MAP3K4: variants seen among roughly 807,000 people sequenced by gnomAD.
MAP3K4 encodes the protein MAP three kinase 1.
Under a neutral mutation model 185.6 loss-of-function variants are expected in MAP3K4, and 67 were observed. That is an observed-to-expected ratio of 0.36 (90% CI 0.30 to 0.44). The LOEUF is 0.44. Ranked by LOEUF, MAP3K4 falls within the 20% of genes least tolerant of loss-of-function variation. The probability of loss-of-function intolerance (pLI) is 1.00; values close to 1 mark genes in which losing one functional copy is unlikely to be tolerated. For missense variants in MAP3K4, 1,551 were observed against 1,995.1 expected, an observed-to-expected ratio of 0.78 and a Z score of 4.24; for synonymous variants, 702 against 710.4, an observed-to-expected ratio of 0.99 and a Z score of 0.19.
At position 161,007,719 on chromosome 6, in the gene MAP3K4, G is replaced by T. The variant is rs538769863; in HGVS notation, c.152+15636G>T. Among the ~76,000 whole-genome samples the T allele has an allele frequency of 1.3e-3, 196 of 152,220 alleles. 2 individuals are homozygous for T. The highest frequency in any genetic ancestry group is 4.6e-3 in the African/African-American group (189 of 41,532). ...TATTTGGTGCTTCTGCTCTTTAATA[G>T]GCTTTGTTTCTAGTAAGGTCATGCT... is the stretch of plus-strand genomic sequence containing the variant. On this transcript the variant is annotated intron_variant, in intron 1 of 26. Transcript: ENST00000392142. This position sits in a 1 kb window ranked among gnomAD's most constrained non-coding sequence, Gnocchi z 4.5.
At chr6:161,016,391 G>A (rs748820123) in intron 1 of MAP3K4, among the ~76,000 whole-genome samples, 1 of 151,950 alleles carries the variant, frequency 6.6e-6, no homozygotes, top group South Asian at 2.1e-4. Context: ...TTTGTTGTTC[G>A]TGCTTTTGTA....
chr6:161,007,479 C>G lies in MAP3K4; in HGVS notation c.152+15396C>G, dbSNP rs1781645176. On this transcript the variant is annotated intron_variant, in intron 1 of 26. Coordinates refer to ENST00000392142, the MANE Select transcript of MAP3K4 (RefSeq NM_005922.4). The surrounding 1 kb of genome is among the most constrained non-coding windows in gnomAD (Gnocchi z 4.5). ...GAACGTGGATTTCCTATCCATTGCTCTCTTAAGGAGCACAGGGCTCAGATA... is the reference window on the plus strand; with the variant it reads ...GAACGTGGATTTCCTATCCATTGCTGTCTTAAGGAGCACAGGGCTCAGATA... 6.6e-6 allele frequency among the ~76,000 whole-genome samples: 1 copy of G among 152,180 alleles called. No individual in the cohort carries two copies. Among genetic ancestry groups the G allele is most frequent in the Non-Finnish European group, 1.5e-5 (1 of 68,034 alleles).
At chr6:161,050,021 C>G in intron 3 of MAP3K4, 42 bp downstream of exon 3, 1 of 1,503,178 alleles carries the variant, frequency 6.7e-7, no homozygotes, top group Non-Finnish European at 8.9e-7. Flanking sequence ...ATCCTTAGTT[C>G]CATTTATTTA....
chr6:161,041,817 G>C (rs1251650251), intron 2 of MAP3K4, among the ~76,000 whole-genome samples: 3 of 152,058 alleles, frequency 2.0e-5, no homozygotes, highest in Non-Finnish European at 1.5e-5. Flanking sequence ...TCAGGTGTGG[G>C]CTACTTGTGA....
rs1368787180 is a variant in MAP3K4 at position 161,037,346 on chromosome 6, TC to T, written c.343+2898del. Among the ~76,000 whole-genome samples the T allele has an allele frequency of 6.6e-6, 1 of 152,232 alleles. No individual in the cohort carries two copies. Among genetic ancestry groups the T allele is most frequent in the Non-Finnish European group, 1.5e-5 (1 of 68,042 alleles). On this transcript the variant is annotated intron_variant, in intron 2 of 26. Coordinates refer to ENST00000392142, the MANE Select transcript of MAP3K4 (RefSeq NM_005922.4). The surrounding 1 kb of genome is among the most constrained non-coding windows in gnomAD (Gnocchi z 4.2). The stretch of plus-strand genomic sequence containing the variant: ...ATATCTCGTTTCTCTATCTGTAAAA[TC>T]ATCTGCCTTATAGTGTTGTTAGGAT...
chr6:161,041,446 G>A (rs1783445856), intron 2 of MAP3K4, among the ~76,000 whole-genome samples: 1 of 152,222 alleles, frequency 6.6e-6, no homozygotes, highest in Non-Finnish European at 1.5e-5. Context: ...GAGCAAGGAA[G>A]TGAACCCCTG....
chr6:161,088,024 C>A lies in MAP3K4; in HGVS notation c.2823+70C>A. The stretch of plus-strand genomic sequence containing the variant: ...TTTAGTAAGAATGAACTGTTAGCTG[C>A]TCATGAATGAGGGGTTTGACTACCC... On this transcript the variant is annotated intron_variant, in intron 10 of 26. Coordinates refer to ENST00000392142, the MANE Select transcript of MAP3K4 (RefSeq NM_005922.4). The surrounding 1 kb of genome is among the most constrained non-coding windows in gnomAD (Gnocchi z 4.5). 6.7e-7 allele frequency: 1 copy of A among 1,487,434 alleles called. No individual in the cohort carries two copies. The highest frequency in any genetic ancestry group is 1.4e-5 in the African/African-American group (1 of 70,500). The allele number at this position is 1,487,434 out of a possible 1,614,324, so 92.1% of individuals were successfully genotyped here. A position where few individuals can be genotyped will look rare whatever the true frequency, so the allele number is the denominator to read the frequency against.
chr6:161,101,676 G>A lies in MAP3K4; in HGVS notation c.3675-216G>A, dbSNP rs1777846282. The A allele has an allele frequency of 2.1e-6, 1 of 486,066 alleles. No homozygotes were observed. The highest frequency in any genetic ancestry group is 2.0e-5 in the African/African-American group (1 of 50,878). 30.1% of individuals were successfully genotyped at this position (486,066 alleles called of 1,614,324 possible). On this transcript the variant is annotated intron_variant, in intron 17 of 26. Transcript: ENST00000392142. This position sits in a 1 kb window ranked among gnomAD's most constrained non-coding sequence, Gnocchi z 5.1. Reference sequence around the variant, plus strand: ...CCACAGCAGCGCTGTTCACTTAGGGGGCTGATTCTGGTGGGTCTGTCCTGT... The same window carrying A: ...CCACAGCAGCGCTGTTCACTTAGGGAGCTGATTCTGGTGGGTCTGTCCTGT...
At chr6:161,040,519 G>C (rs181745641) in intron 2 of MAP3K4, among the ~76,000 whole-genome samples, 7 of 152,326 alleles carry the variant, frequency 4.6e-5, no homozygotes, top group Admixed American at 2.0e-4. Context: ...GTGCATTTTT[G>C]TAAGGAGTCC....
At chr6:161,066,998 G>T (rs1241001518) in intron 3 of MAP3K4, among the ~76,000 whole-genome samples, 1 of 152,206 alleles carries the variant, frequency 6.6e-6, no homozygotes, top group Non-Finnish European at 1.5e-5. Flanking sequence ...AGAGGCGGTG[G>T]AGGGAAGCAT....
intron 1 of MAP3K4, among the ~76,000 whole-genome samples, chr6:161,006,594 G>C (rs778177413): frequency 6.6e-6 from 1 of 152,094 alleles, no homozygotes; most frequent in Non-Finnish European, 1.5e-5. Flanking sequence ...TCAATCCCTC[G>C]TAGATACTGA....
chr6:161,079,323 A>G (rs1785333266), intron 5 of MAP3K4, among the ~76,000 whole-genome samples: 1 of 151,858 alleles, frequency 6.6e-6, no homozygotes, highest in Non-Finnish European at 1.5e-5. Flanking sequence ...CACGCCTGTA[A>G]TCCCAGCACT....
In MAP3K4 at chr6:161,091,417, C is replaced by G; in HGVS notation, c.3012C>G (p.Ala1004=). Residue 1004 remains alanine (A), a synonymous_variant, in exon 12 of 27, where the codon GCC becomes GCG. Coordinates refer to ENST00000392142, the MANE Select transcript of MAP3K4 (RefSeq NM_005922.4). The surrounding 1 kb of genome is among the most constrained non-coding windows in gnomAD (Gnocchi z 5.5). The stretch of plus-strand genomic sequence containing the variant: ...AGCTATGCAACAGGATAAGCAATGC[C>G]ATTGACCGCGTGGACCACATGTTCA... ...ALELCNRISN[A]IDRVDHMFTS... 1 of 1,613,782 alleles carries G rather than the reference C, an allele frequency of 6.2e-7. No homozygotes were observed. Among genetic ancestry groups the G allele is most frequent in the Non-Finnish European group, 8.5e-7 (1 of 1,179,892 alleles).
rs541437029 is a variant in MAP3K4 at position 161,112,078 on chromosome 6, G to A, written c.4519+120G>A. ...GGAGAGCAGGTAAAGGTTTTCAGTC[G>A]TGAGAAGGACCACTTCCTCACACAC... On this transcript the variant is annotated intron_variant, in intron 24 of 26. Coordinates refer to ENST00000392142, the MANE Select transcript of MAP3K4 (RefSeq NM_005922.4). The surrounding 1 kb of genome is among the most constrained non-coding windows in gnomAD (Gnocchi z 5.1). 37 of 1,338,580 alleles carry A rather than the reference G, an allele frequency of 2.8e-5. No individual in the cohort carries two copies. The highest frequency in any genetic ancestry group is 1.6e-4 in the African/African-American group (11 of 68,430). The allele number at this position is 1,338,580 out of a possible 1,614,324, so 82.9% of individuals were successfully genotyped here. A position where few individuals can be genotyped will look rare whatever the true frequency, so the allele number is the denominator to read the frequency against.
At chr6:161,072,707 A>G (rs990835846) in intron 4 of MAP3K4, among the ~76,000 whole-genome samples, 3 of 152,298 alleles carry the variant, frequency 2.0e-5, no homozygotes, top group Non-Finnish European at 2.9e-5. Context: ...TTTGGCTAAC[A>G]TGTATGAAAA....
intron 2 of MAP3K4, among the ~76,000 whole-genome samples, chr6:161,036,381 T>C (rs543090488): frequency 2.1e-4 from 32 of 152,260 alleles, no homozygotes; most frequent in African/African-American, 7.5e-4. Context: ...CAAAAGATTA[T>C]GTGTTTGTTG....
chr6:161,041,028 TGGA>T (rs907317034), intron 2 of MAP3K4, among the ~76,000 whole-genome samples: 1 of 152,202 alleles, frequency 6.6e-6, no homozygotes, highest in African/African-American at 2.4e-5. Flanking sequence ...GGGAGCCACC[TGGA>T]GGAGAAGGTG....
chr6:161,027,666 T>C (rs1406632623), intron 1 of MAP3K4, among the ~76,000 whole-genome samples: 1 of 152,132 alleles, frequency 6.6e-6, no homozygotes, highest in East Asian at 1.9e-4. Context: ...TAGCCCTCAT[T>C]AAAGTAGTGG....
chr6:161,011,693 A>G (rs895187515), intron 1 of MAP3K4, among the ~76,000 whole-genome samples: 2 of 152,168 alleles, frequency 1.3e-5, no homozygotes, highest in African/African-American at 4.8e-5. Flanking sequence ...GTCTTGTTTA[A>G]CAGAGAACCA....
Sources: gnomAD v4.1 joint callset for allele counts (sites outside exome capture counted in the v4.1 genomes callset) on GRCh38, gnomAD v4.1.1 for gene constraint, Gnocchi (gnomAD v3.1) non-coding constraint, MANE v1.5 for transcripts, NCBI Gene and HGNC (gene_info 2026-07-23, HGNC 2026-07-21) for gene names.